Variants in PCDHGB5 observed in about 807,000 individuals in gnomAD.
The protein encoded by PCDHGB5 is protocadherin gamma subfamily B, 5.
Under a neutral mutation model 62.9 loss-of-function variants are expected in PCDHGB5, and 48 were observed. The ratio of observed to expected loss-of-function variants is 0.76; its 90% CI spans 0.61 to 0.97. The LOEUF (loss-of-function observed/expected upper bound fraction) is 0.97, where lower values mean the gene tolerates loss of function less well. Among genes scored for constraint, PCDHGB5 ranks in the 50% least tolerant of loss-of-function variants. PCDHGB5 has a pLI of 0.00. For missense variants in PCDHGB5, 1,118 were observed against 1,198.6 expected (o/e 0.93, Z 0.99); for synonymous variants, 474 against 511.2 (o/e 0.93, Z 0.98).
chr5:141,402,842 A>G, intron 1 of PCDHGB5: 1 of 1,396,816 alleles, frequency 7.2e-7, no homozygotes, highest in Non-Finnish European at 9.4e-7. Flanking sequence ...AGCAAAACTC[A>G]GCCTCTTTCT....
chr5:141,411,079 T>C (rs1178503371), intron 1 of PCDHGB5: 2 of 154,384 alleles, frequency 1.3e-5, no homozygotes, highest in African/African-American at 2.4e-5. Flanking sequence ...CAGAAACTCC[T>C]GTCCTCGTGA....
chr5:141,483,811 C>A (rs1252197546), intron 1 of PCDHGB5, among the ~76,000 whole-genome samples: 1 of 152,102 alleles, frequency 6.6e-6, no homozygotes, highest in Non-Finnish European at 1.5e-5. Flanking sequence ...CTTTTTTTGG[C>A]AGCCAGTGTA....
At chr5:141,407,117 C>T (rs1412216570) in intron 1 of PCDHGB5, among the ~76,000 whole-genome samples, 1 of 152,098 alleles carries the variant, frequency 6.6e-6, no homozygotes, top group African/African-American at 2.4e-5. Flanking sequence ...ATTTGGGTTT[C>T]AGTTGCTTTA....
chr5:141,401,060 T>A (rs1395651829), intron 1 of PCDHGB5, among the ~76,000 whole-genome samples: 3 of 152,216 alleles, frequency 2.0e-5, no homozygotes, highest in Non-Finnish European at 4.4e-5. Flanking sequence ...ATACTATATG[T>A]TGGCTGGGTG....
At position 141,487,939 on chromosome 5, in the gene PCDHGB5, C is replaced by A; in HGVS notation, c.2398-6868C>A. ...AGGCTACAGTGCACAGGGTACAGTG[C>A]ACCAGGCAGTCACTTGGACAAAGGT... On this transcript the variant is annotated intron_variant, in intron 1 of 3. Coordinates refer to ENST00000617380, the MANE Select transcript of PCDHGB5 (RefSeq NM_018925.3). The surrounding 1 kb of genome is among the most constrained non-coding windows in gnomAD (Gnocchi z 5.0). The A allele has an allele frequency of 1.7e-6, 1 of 600,512 alleles. No individual in the cohort carries two copies. Among genetic ancestry groups the A allele is most frequent in the Non-Finnish European group, 2.9e-6 (1 of 343,042 alleles). The allele number at this position is 600,512 out of a possible 1,614,324, so 37.2% of individuals were successfully genotyped here.
At chr5:141,450,241 C>T (rs1236675009) in intron 1 of PCDHGB5, among the ~76,000 whole-genome samples, 1 of 152,094 alleles carries the variant, frequency 6.6e-6, no homozygotes, top group East Asian at 1.9e-4. Flanking sequence ...TAGTCTTGAA[C>T]TCCTGACCTC....
intron 1 of PCDHGB5, among the ~76,000 whole-genome samples, chr5:141,481,913 CAAAAAAAAA>C (rs34114744): frequency 1.1e-5 from 1 of 90,852 alleles, no homozygotes; most frequent in Non-Finnish European, 2.2e-5. Flanking sequence ...AACTCCATCT[CAAAAAAAAA>C]AAAAAAAAAA....
At chr5:141,413,454 G>A (rs765318722) in intron 1 of PCDHGB5, 46 of 1,614,026 alleles carry the variant, frequency 2.9e-5, no homozygotes, top group Non-Finnish European at 3.7e-5. Flanking sequence ...CCGCGGGCAG[G>A]ATAGACCGGG....
chr5:141,493,784 T>A lies in PCDHGB5; in HGVS notation c.2398-1023T>A, dbSNP rs1368708028. ...AGCCACTGGCAGTTCCGGAGCTTCC[T>A]TCTCCCTGGAGTAATCTGAGATACT... On this transcript the variant is annotated intron_variant, in intron 1 of 3. Coordinates refer to ENST00000617380, the MANE Select transcript of PCDHGB5 (RefSeq NM_018925.3). This position sits in a 1 kb window ranked among gnomAD's most constrained non-coding sequence, Gnocchi z 4.3. 1.3e-5 allele frequency among the ~76,000 whole-genome samples: 2 copies of A among 152,194 alleles called. No individual in the cohort carries two copies. Among genetic ancestry groups the A allele is most frequent in the Non-Finnish European group, 2.9e-5 (2 of 68,032 alleles).
intron 1 of PCDHGB5, chr5:141,423,558 G>T: frequency 1.2e-6 from 2 of 1,613,580 alleles, no homozygotes; most frequent in Non-Finnish European, 1.7e-6. Context: ...CCAACTATGG[G>T]GACACGCTCA....
chr5:141,448,545 A>T lies in PCDHGB5; in HGVS notation c.2398-46262A>T, dbSNP rs537259621. On this transcript the variant is annotated intron_variant, in intron 1 of 3. Coordinates refer to ENST00000617380, the MANE Select transcript of PCDHGB5 (RefSeq NM_018925.3). ...AGCATCCTGTCAGCATTTCTTATGC[A>T]AATATGTACATATATTTTTATTTCC... 1.5e-4 allele frequency among the ~76,000 whole-genome samples: 23 copies of T among 152,334 alleles called. 1 individual carries two copies. The South Asian group carries it at 2.7e-3, about 18-fold the overall frequency.
rs755706235 is a variant in PCDHGB5 at position 141,476,450 on chromosome 5, G to A, written c.2398-18357G>A. ...TTGCACTGTAACTCTGGAGTTGGTA[G>A]TGGAGAACCCGCTGGAGCTGTTCAG... On this transcript the variant is annotated intron_variant, in intron 1 of 3. Transcript: ENST00000617380. The surrounding 1 kb of genome is among the most constrained non-coding windows in gnomAD (Gnocchi z 7.6). The A allele has an allele frequency of 6.2e-7, 1 of 1,614,180 alleles. No individual in the cohort carries two copies. The highest frequency in any genetic ancestry group is 8.5e-7 in the Non-Finnish European group (1 of 1,180,040).
At chr5:141,475,764 C>T (rs2154573514) in intron 1 of PCDHGB5, among the ~76,000 whole-genome samples, 1 of 152,380 alleles carries the variant, frequency 6.6e-6, no homozygotes, top group South Asian at 2.1e-4. Flanking sequence ...CCGATACTGG[C>T]AAGGCGCTTT....
chr5:141,487,377 C>G lies in PCDHGB5; in HGVS notation c.2398-7430C>G, dbSNP rs758216933. On this transcript the variant is annotated intron_variant, in intron 1 of 3. Coordinates refer to ENST00000617380, the MANE Select transcript of PCDHGB5 (RefSeq NM_018925.3). This position sits in a 1 kb window ranked among gnomAD's most constrained non-coding sequence, Gnocchi z 5.0. ...CCTGCTGGCACCTGTGCCTGTCTCA[C>G]CAGATCTCGAAGGAGGGAGGGGCTT... 6.2e-7 allele frequency: 1 copy of G among 1,614,190 alleles called. No individual in the cohort carries two copies. The highest frequency in any genetic ancestry group is 1.1e-5 in the South Asian group (1 of 91,086).
chr5:141,494,792 C>A lies in PCDHGB5; in HGVS notation c.2398-15C>A. The A allele has an allele frequency of 6.2e-7, 1 of 1,614,132 alleles. No individual in the cohort carries two copies. Among genetic ancestry groups the A allele is most frequent in the East Asian group, 2.2e-5 (1 of 44,878 alleles). Reference sequence around the variant, plus strand: ...TCACGGGTACTCAGCCCCTTTCCCTCTGTTTTCTCCACAGCAAGCCCCGCC... The same window carrying A: ...TCACGGGTACTCAGCCCCTTTCCCTATGTTTTCTCCACAGCAAGCCCCGCC... On this transcript the variant is annotated splice_polypyrimidine_tract_variant and intron_variant, in intron 1 of 3. Transcript: ENST00000617380.
At chr5:141,450,445 T>C (rs1490338949) in intron 1 of PCDHGB5, among the ~76,000 whole-genome samples, 1 of 152,168 alleles carries the variant, frequency 6.6e-6, no homozygotes, top group East Asian at 1.9e-4. Context: ...ATTTGTTTTA[T>C]GTTTCCTCGT....
rs569260568 is a variant in PCDHGB5, at chr5:141,408,294, A to G, written c.2397+7770A>G. The G allele has an allele frequency of 2.0e-5, 33 of 1,613,508 alleles. No homozygotes were observed. The East Asian group carries it at 7.1e-4, about 35-fold the overall frequency. ...CCTTTGTTCTACCCCACCCTGAGTG[A>G]GCCGATCCGCTACTCGATTCCGGAG... is the stretch of plus-strand genomic sequence containing the variant. On this transcript the variant is annotated intron_variant, in intron 1 of 3. Coordinates refer to ENST00000617380, the MANE Select transcript of PCDHGB5 (RefSeq NM_018925.3).
chr5:141,503,181 A>C (rs532503504), intron 2 of PCDHGB5, among the ~76,000 whole-genome samples: 54 of 152,060 alleles, frequency 3.6e-4, no homozygotes, highest in African/African-American at 1.3e-3. Context: ...TCTATTGTGT[A>C]ATTATTTAAA....
rs1301787934 is a variant in PCDHGB5 at position 141,476,164 on chromosome 5, A to G, written c.2398-18643A>G. Reference sequence around the variant, plus strand: ...GCGGACTGGTAAGCACCGGGAGGGTAGTGGGAGTTTTGCTTCTGCTTGGTG... The same window carrying G: ...GCGGACTGGTAAGCACCGGGAGGGTGGTGGGAGTTTTGCTTCTGCTTGGTG... On this transcript the variant is annotated intron_variant, in intron 1 of 3. Transcript: ENST00000617380. This position sits in a 1 kb window ranked among gnomAD's most constrained non-coding sequence, Gnocchi z 7.6. 6.2e-7 allele frequency: 1 copy of G among 1,613,116 alleles called. No individual in the cohort carries two copies.
Sources: allele counts gnomAD v4.1 joint callset (sites outside exome capture counted in the v4.1 genomes callset), GRCh38; gene constraint gnomAD v4.1.1; non-coding constraint Gnocchi (gnomAD v3.1); transcripts MANE v1.5; gene names NCBI Gene and HGNC (gene_info 2026-07-23, HGNC 2026-07-21).